The following TBC1D5 variants were observed in gnomAD, a reference collection of about 807,000 sequenced individuals.
The protein encoded by TBC1D5 is TBC1 domain family member 5, also known as TBC1 domain family, member 5.
In TBC1D5, 75 loss-of-function variants were observed where a neutral mutation model predicts 100.3. The observed-to-expected ratio is 0.75, with a 90% CI of 0.62 to 0.91. TBC1D5 has a LOEUF of 0.91. TBC1D5 is among the 40% of genes least tolerant of loss of function. The probability of loss-of-function intolerance (pLI) is 0.00; values close to 1 mark genes in which losing one functional copy is unlikely to be tolerated. For missense variants in TBC1D5, 910 were observed against 942.4 expected (o/e 0.97, Z 0.45); for synonymous variants, 323 against 325.6 (o/e 0.99, Z 0.09).
intron 1 of TBC1D5, among the ~76,000 whole-genome samples, chr3:17,675,685 T>C (rs916009292): frequency 6.6e-6 from 1 of 152,124 alleles, no homozygotes; most frequent in Non-Finnish European, 1.5e-5. Flanking sequence ...AAAGGAAAAC[T>C]TCCAAAAAGA....
chr3:17,671,589 T>C (rs1193646069), intron 1 of TBC1D5, among the ~76,000 whole-genome samples: 6 of 152,242 alleles, frequency 3.9e-5, no homozygotes, highest in Non-Finnish European at 7.3e-5. Context: ...GCATCTTCTT[T>C]AAGGCATTTT....
At chr3:17,199,891 A>G (rs2071244549) in intron 18 of TBC1D5, among the ~76,000 whole-genome samples, 1 of 152,178 alleles carries the variant, frequency 6.6e-6, no homozygotes, top group African/African-American at 2.4e-5. Flanking sequence ...ACAGAGGCAA[A>G]AATAAGAAAG....
chr3:17,193,601 T>C (rs951944924), intron 18 of TBC1D5, among the ~76,000 whole-genome samples: 2 of 152,238 alleles, frequency 1.3e-5, no homozygotes, highest in African/African-American at 2.4e-5. Context: ...ATAAGTTTTA[T>C]TGAGGGACTA....
chr3:17,241,540 G>C (rs1007577924), intron 16 of TBC1D5, among the ~76,000 whole-genome samples: 9 of 152,172 alleles, frequency 5.9e-5, no homozygotes, highest in African/African-American at 2.2e-4. Context: ...GTTTAGGAGA[G>C]ATCATTTTAA....
intron 4 of TBC1D5, among the ~76,000 whole-genome samples, chr3:17,416,047 T>C (rs1174172626): frequency 6.6e-6 from 1 of 152,212 alleles, no homozygotes; most frequent in Non-Finnish European, 1.5e-5. Flanking sequence ...CGAAACCTGA[T>C]GTCCTAATTA....
chr3:17,426,298 T>C (rs2094333981), intron 4 of TBC1D5, among the ~76,000 whole-genome samples: 1 of 152,172 alleles, frequency 6.6e-6, no homozygotes, highest in South Asian at 2.1e-4. Context: ...CAGTTAACCT[T>C]AATATGAAGC....
At chr3:17,169,148 T>A (rs1376456516) in intron 19 of TBC1D5, among the ~76,000 whole-genome samples, 3 of 152,234 alleles carry the variant, frequency 2.0e-5, no homozygotes, top group Non-Finnish European at 4.4e-5. Context: ...TATAAGCACT[T>A]ATCATTGTTT....
intron 4 of TBC1D5, among the ~76,000 whole-genome samples, chr3:17,412,607 T>TA (rs1274102500): frequency 1.3e-5 from 2 of 152,192 alleles, no homozygotes; most frequent in South Asian, 2.1e-4. Flanking sequence ...TATTCTTACA[T>TA]AAAAAAATAT....
At chr3:17,673,021 G>A (rs909739411) in intron 1 of TBC1D5, among the ~76,000 whole-genome samples, 4 of 152,092 alleles carry the variant, frequency 2.6e-5, no homozygotes, top group African/African-American at 9.7e-5. Context: ...AAAAATCACA[G>A]CAAGTAACCG....
At chr3:17,366,256 C>T (rs1191947315) in intron 13 of TBC1D5, among the ~76,000 whole-genome samples, 2 of 151,740 alleles carry the variant, frequency 1.3e-5, no homozygotes, top group African/African-American at 4.8e-5. Flanking sequence ...CACACCGCTG[C>T]GCTCCAGCCT....
intron 2 of TBC1D5, among the ~76,000 whole-genome samples, chr3:17,525,762 T>A (rs570558889): frequency 1.5e-5 from 2 of 136,538 alleles, no homozygotes; most frequent in South Asian, 4.6e-4. Context: ...TCTAGTGTTT[T>A]CCTACCTCTC....
intron 2 of TBC1D5, among the ~76,000 whole-genome samples, chr3:17,513,414 TAA>T (rs1194470908): frequency 6.6e-6 from 1 of 151,924 alleles, no homozygotes; most frequent in Non-Finnish European, 1.5e-5. Context: ...GATAAAATAA[TAA>T]GTTAGTTTAA....
intron 4 of TBC1D5, among the ~76,000 whole-genome samples, chr3:17,423,496 T>C (rs970495622): frequency 1.3e-5 from 2 of 152,250 alleles, no homozygotes; most frequent in African/African-American, 4.8e-5. Flanking sequence ...CCTAACTAAA[T>C]TATTATAATC....
At chr3:17,452,094 TTAAAG>T (rs1212256180) in intron 3 of TBC1D5, among the ~76,000 whole-genome samples, 1 of 152,006 alleles carries the variant, frequency 6.6e-6, no homozygotes, top group African/African-American at 2.4e-5. Flanking sequence ...TGCTATCAGT[TTAAAG>T]TAATGAGTTA....
rs550484399 is a variant in TBC1D5, at chr3:17,184,716, G to A, written c.1852+393C>T. On this transcript the variant is annotated intron_variant, in intron 19 of 21. Coordinates refer to ENST00000253692, the Ensembl canonical transcript of TBC1D5. Reference sequence around the variant, plus strand: ...CTAATTAAAAAAAAAAAAATTTGTTGTTTTGTGTTGGTAGAGACAGGGTCT... The same window carrying A: ...CTAATTAAAAAAAAAAAAATTTGTTATTTTGTGTTGGTAGAGACAGGGTCT... 2.0e-5 allele frequency: 3 copies of A among 152,474 alleles called. 1 individual carries two copies. The South Asian group carries it at 6.2e-4, about 32-fold the overall frequency. 9.4% of individuals were successfully genotyped at this position (152,474 alleles called of 1,614,324 possible).
chr3:17,717,562 G>A (rs2075341692), intron 1 of TBC1D5, among the ~76,000 whole-genome samples: 1 of 152,166 alleles, frequency 6.6e-6, no homozygotes, highest in Admixed American at 6.5e-5. Context: ...TACATGGCTT[G>A]TTCATCATAT....
chr3:17,389,848 G>A (rs926429732), intron 8 of TBC1D5, among the ~76,000 whole-genome samples: 4 of 152,094 alleles, frequency 2.6e-5, no homozygotes, highest in Non-Finnish European at 4.4e-5. Flanking sequence ...GCTACCAACT[G>A]TTAATGATCA....
At chr3:17,449,811 CA>C (rs2094883828) in intron 3 of TBC1D5, among the ~76,000 whole-genome samples, 1 of 152,206 alleles carries the variant, frequency 6.6e-6, no homozygotes, top group South Asian at 2.1e-4. Context: ...GCAGCTTCAG[CA>C]GACTTAAACA....
At chr3:17,377,890 A>G (rs892338330) in intron 9 of TBC1D5, among the ~76,000 whole-genome samples, 2 of 151,912 alleles carry the variant, frequency 1.3e-5, no homozygotes, top group Non-Finnish European at 2.9e-5. Context: ...TTCAATCTTT[A>G]TAGGTAACCA....
Sources: gnomAD v4.1 joint callset for allele counts (sites outside exome capture counted in the v4.1 genomes callset) on GRCh38, gnomAD v4.1.1 for gene constraint, MANE v1.5 for transcripts, NCBI Gene and HGNC (gene_info 2026-07-23, HGNC 2026-07-21) for gene names.